Variants in PHEX observed in about 807,000 individuals in gnomAD.
PHEX encodes phosphate regulating endopeptidase X-linked.
A neutral mutation model predicts 68.0 loss-of-function variants in PHEX; 16 were observed. That is an observed-to-expected ratio of 0.24 (90% confidence interval 0.16 to 0.36). The LOEUF (loss-of-function observed/expected upper bound fraction) is 0.36, where lower values mean the gene tolerates loss of function less well. Among genes scored for constraint, PHEX ranks in the 10% least tolerant of loss-of-function variants. The probability of loss-of-function intolerance (pLI) is 1.00; values close to 1 mark genes in which losing one functional copy is unlikely to be tolerated. For synonymous variants in PHEX, 208 were observed against 205.1 expected, an observed-to-expected ratio of 1.01 and a Z score of -0.12; for missense variants, 480 against 575.5, an observed-to-expected ratio of 0.83 and a Z score of 1.70.
chrX:22,065,511 C>T lies in PHEX; in HGVS notation c.350-10877C>T, dbSNP rs12559755. 3.6e-5 allele frequency among the ~76,000 whole-genome samples: 4 copies of T among 111,040 alleles called. No individual in the cohort carries two copies. In the South Asian group the frequency reaches 1.2e-3, roughly 32 times the overall value. On this transcript the variant is annotated intron_variant, in intron 3 of 21. Coordinates refer to ENST00000379374, the MANE Select transcript of PHEX (RefSeq NM_000444.6). ...CATGATCTCGGCTCACTGCAAGCTC[C>T]GACTCCCTGGTTCAAGCGATTCTCC...
chrX:22,042,482 G>A (rs1404710109), intron 2 of PHEX, among the ~76,000 whole-genome samples: 5 of 112,166 alleles, frequency 4.5e-5, no homozygotes, highest in Non-Finnish European at 9.4e-5. Context: ...CTAGTCGTGA[G>A]AATAAAAGAA....
Position 22,077,467 on chromosome X carries a change from C to T in PHEX, c.437-9C>T. On this transcript the variant is annotated splice_polypyrimidine_tract_variant and intron_variant, in intron 4 of 21. Transcript: ENST00000379374. ...TTCTAACTTTCTCTTCATATCTGCTCCCTTTCAGAAGCGATTGAAAAAGCA... is the reference window on the plus strand; with the variant it reads ...TTCTAACTTTCTCTTCATATCTGCTTCCTTTCAGAAGCGATTGAAAAAGCA... The T allele has an allele frequency of 8.4e-7, 1 of 1,195,749 alleles. No individual in the cohort carries two copies. The highest frequency in any genetic ancestry group is 1.1e-6 in the Non-Finnish European group (1 of 880,764).
At chrX:22,160,359 G>A (rs1602346647) in intron 12 of PHEX, among the ~76,000 whole-genome samples, 3 of 110,184 alleles carry the variant, frequency 2.7e-5, no homozygotes, top group Non-Finnish European at 3.8e-5. Flanking sequence ...GACCAGCCTG[G>A]CCAATATGGT....
chrX:22,090,353 A>T (rs112658127), intron 5 of PHEX, 76 bp from the exon 6 acceptor site: 11,868 of 816,568 alleles, frequency 0.015, 104 homozygotes, highest in Non-Finnish European at 0.018. Context: ...GATGCAGACG[A>T]TTTCATCACT....
At chrX:22,226,112 T>C (rs1250094541) in intron 18 of PHEX, among the ~76,000 whole-genome samples, 1 of 112,177 alleles carries the variant, frequency 8.9e-6, no homozygotes, top group Non-Finnish European at 1.9e-5. Flanking sequence ...AACCTGTGTA[T>C]TGACATTCCT....
chrX:22,232,314 C>T (rs766598334), intron 20 of PHEX, among the ~76,000 whole-genome samples: 1 of 110,876 alleles, frequency 9.0e-6, no homozygotes, highest in South Asian at 3.9e-4. Context: ...AGTTCAAGTT[C>T]TGGATATCCT....
chrX:22,237,753 T>G (rs1326883577), intron 20 of PHEX, among the ~76,000 whole-genome samples: 1 of 112,348 alleles, frequency 8.9e-6, no homozygotes, highest in Non-Finnish European at 1.9e-5. Flanking sequence ...TCTGGTTCTC[T>G]TTCCCCTCAA....
intron 12 of PHEX, among the ~76,000 whole-genome samples, chrX:22,138,565 C>T (rs1932328434): frequency 8.9e-6 from 1 of 111,996 alleles, no homozygotes; most frequent in African/African-American, 3.2e-5. Flanking sequence ...GTGGTGTTCC[C>T]ACACCCTGTC....
chrX:22,163,005 A>G (rs889832413), intron 12 of PHEX: 1 of 111,747 alleles, frequency 8.9e-6, no homozygotes, highest in African/African-American at 3.3e-5. Flanking sequence ...TTGGCAATAT[A>G]TGGAGATATT....
At chrX:22,185,171 C>T (rs1933989810) in intron 14 of PHEX, among the ~76,000 whole-genome samples, 1 of 112,092 alleles carries the variant, frequency 8.9e-6, no homozygotes, top group Non-Finnish European at 1.9e-5. Flanking sequence ...TATGAGACCT[C>T]TCCTTACCTT....
chrX:22,148,099 T>C (rs1444625949), intron 12 of PHEX, among the ~76,000 whole-genome samples: 1 of 111,402 alleles, frequency 9.0e-6, no homozygotes, highest in African/African-American at 3.3e-5. Context: ...TATGATTCTG[T>C]GGGTTGGCTG....
chrX:22,111,710 G>T, intron 10 of PHEX, 150 bp downstream of exon 10: 5 of 472,055 alleles, frequency 1.1e-5, no homozygotes, highest in Admixed American at 7.2e-5. Context: ...GTGTGTGTGT[G>T]TGCCTTATTT....
chrX:22,131,278 T>C (rs1291097677), intron 11 of PHEX, among the ~76,000 whole-genome samples: 1 of 111,546 alleles, frequency 9.0e-6, no homozygotes, highest in Non-Finnish European at 1.9e-5. Flanking sequence ...TGACCTCAAG[T>C]AATCTGCCCG....
In PHEX at chrX:22,226,411, AT is replaced by A. The variant is rs68100043; in HGVS notation, c.1900-20del. 0.031 allele frequency: 24,754 copies of A among 811,559 alleles called. 354 individuals carry two copies. Among genetic ancestry groups the A allele is most frequent in the African/African-American group, 0.16 (7,477 of 46,745 alleles). The allele number at this position is 811,559 out of a possible 1,213,427, so 66.9% of individuals were successfully genotyped here. A position where few individuals can be genotyped will look rare whatever the true frequency, so the allele number is the denominator to read the frequency against. On this transcript the variant is annotated intron_variant, in intron 18 of 21. Transcript: ENST00000379374. ...ATAGTTGACCGTGAAACACGCATTC[AT>A]TTTTTTTTTTTCCTTTTTTCTTTCT... is the stretch of plus-strand genomic sequence containing the variant.
chrX:22,228,357 G>C (rs955789405), intron 20 of PHEX, among the ~76,000 whole-genome samples: 2 of 111,772 alleles, frequency 1.8e-5, no homozygotes, highest in South Asian at 3.7e-4. Context: ...CTCAAAGCTA[G>C]ACAAAAATTT....
chrX:22,168,553 A>C (rs1303516346), intron 13 of PHEX, among the ~76,000 whole-genome samples, 164 bp downstream of exon 13: 1 of 111,945 alleles, frequency 8.9e-6, no homozygotes, highest in African/African-American at 3.2e-5. Flanking sequence ...CAGGCAGATC[A>C]CAAGATTTAG....
intron 12 of PHEX, among the ~76,000 whole-genome samples, chrX:22,142,196 G>T (rs942420604): frequency 5.4e-5 from 6 of 111,964 alleles, no homozygotes; most frequent in South Asian, 3.7e-4. Flanking sequence ...AGGTTGCAGT[G>T]AGCCAAGATT....
At chrX:22,234,170 C>T (rs769158968) in intron 20 of PHEX, among the ~76,000 whole-genome samples, 43 of 112,956 alleles carry the variant, frequency 3.8e-4, no homozygotes, top group Admixed American at 2.0e-3. Flanking sequence ...GAAGCTTTGC[C>T]CCAGAGGGGC....
intron 10 of PHEX, among the ~76,000 whole-genome samples, chrX:22,114,054 A>C (rs1044606155): frequency 3.9e-5 from 4 of 102,394 alleles, no homozygotes; most frequent in African/African-American, 1.5e-4. Context: ...GGTTCACACA[A>C]TTCTCCCACC....
Sources: allele counts gnomAD v4.1 joint callset (sites outside exome capture counted in the v4.1 genomes callset), GRCh38; gene constraint gnomAD v4.1.1; transcripts MANE v1.5; gene names NCBI Gene and HGNC (gene_info 2026-07-23, HGNC 2026-07-21).